Variants in TFDP2 observed in about 807,000 individuals in gnomAD.
TFDP2 encodes the protein transcription factor Dp-2 (E2F dimerization partner 2).
A neutral mutation model predicts 59.3 loss-of-function variants in TFDP2; 17 were observed. The observed-to-expected ratio is 0.29, with a 90% confidence interval of 0.20 to 0.43. TFDP2 has a LOEUF of 0.43. Ranked by LOEUF, TFDP2 falls within the 20% of genes least tolerant of loss-of-function variation. TFDP2 has a pLI of 1.00. For missense variants in TFDP2, 391 were observed against 528.8 expected (o/e 0.74, Z 2.56); for synonymous variants, 180 against 194.7 (o/e 0.92, Z 0.63).
rs533650867 is a variant in TFDP2 at position 142,036,097 on chromosome 3, C to T, written c.83-30553G>A. ...CATGTCATATACTAGTCCATTTGTG[C>T]CAAGTAAACTATTCTGGATGGGAAA... On this transcript the variant is annotated intron_variant, in intron 3 of 12. Coordinates refer to ENST00000489671, the MANE Select transcript of TFDP2 (RefSeq NM_001178139.2). 4.5e-4 allele frequency among the ~76,000 whole-genome samples: 68 copies of T among 152,154 alleles called. 1 individual carries two copies. In the South Asian group the frequency reaches 0.013, roughly 29 times the overall value.
intron 1 of TFDP2, among the ~76,000 whole-genome samples, chr3:142,120,277 G>A (rs1418329442): frequency 6.6e-6 from 1 of 151,852 alleles, no homozygotes; most frequent in African/African-American, 2.4e-5. Context: ...CAGAAGAATG[G>A]CGTGAACCCG....
chr3:142,122,956 A>C lies in TFDP2; in HGVS notation c.-92-21115T>G, dbSNP rs2062100334. Among the ~76,000 whole-genome samples, 3 of 151,720 alleles carry C rather than the reference A, an allele frequency of 2.0e-5. No individual in the cohort carries two copies. In the South Asian group the frequency reaches 6.2e-4, roughly 32 times the overall value. Reference sequence around the variant, plus strand: ...TAACACATTCAGTATGATTACGTTTATATAAAGTTTTTTTTTTTTTGGAGA... The same window carrying C: ...TAACACATTCAGTATGATTACGTTTCTATAAAGTTTTTTTTTTTTTGGAGA... On this transcript the variant is annotated intron_variant, in intron 1 of 12. Transcript: ENST00000489671.
chr3:142,051,329 A>G (rs2108488540), intron 3 of TFDP2, among the ~76,000 whole-genome samples: 1 of 152,296 alleles, frequency 6.6e-6, no homozygotes, highest in East Asian at 1.9e-4. Context: ...ACTTGAGATC[A>G]GGTGTTTGAG....
intron 3 of TFDP2, among the ~76,000 whole-genome samples, chr3:142,067,356 C>A (rs758926450): frequency 2.4e-4 from 37 of 151,896 alleles, no homozygotes; most frequent in Admixed American, 1.0e-3. Flanking sequence ...ATTAAAAACA[C>A]AAGACCATTT....
At chr3:142,110,187 T>G (rs1201160614) in intron 1 of TFDP2, among the ~76,000 whole-genome samples, 2 of 152,012 alleles carry the variant, frequency 1.3e-5, no homozygotes, top group Admixed American at 6.6e-5. Context: ...CCCAGTCCAT[T>G]GCTCACTTTT....
chr3:141,962,230 CA>C (rs1937455404), intron 10 of TFDP2, among the ~76,000 whole-genome samples: 1 of 152,026 alleles, frequency 6.6e-6, no homozygotes, highest in Non-Finnish European at 1.5e-5. Flanking sequence ...AGGCATGAGC[CA>C]ACACGCCCGG....
At chr3:142,030,683 T>C (rs912475228) in intron 3 of TFDP2, among the ~76,000 whole-genome samples, 7 of 151,748 alleles carry the variant, frequency 4.6e-5, no homozygotes, top group Non-Finnish European at 1.0e-4. Flanking sequence ...TACTCTGTTA[T>C]AGTCTTAAAA....
intron 1 of TFDP2, among the ~76,000 whole-genome samples, chr3:142,103,237 C>G (rs1192498966): frequency 1.3e-5 from 2 of 149,098 alleles, no homozygotes; most frequent in Non-Finnish European, 3.0e-5. Flanking sequence ...GACTCCTTCT[C>G]AAAAAAAATT....
At chr3:142,110,208 GA>G (rs549926637) in intron 1 of TFDP2, among the ~76,000 whole-genome samples, 19 of 148,344 alleles carry the variant, frequency 1.3e-4, no homozygotes, top group Admixed American at 8.1e-4. Context: ...AAAAATTGAA[GA>G]AAAAAAAAAT....
At chr3:142,133,195 A>G (rs1275097560) in intron 1 of TFDP2, among the ~76,000 whole-genome samples, 2 of 150,078 alleles carry the variant, frequency 1.3e-5, no homozygotes, top group Non-Finnish European at 2.9e-5. Flanking sequence ...AACTTTTTGA[A>G]TTATCAAATT....
intron 8 of TFDP2, among the ~76,000 whole-genome samples, chr3:141,971,317 CGAGACCAGCCTGGCCAA>C (rs377756389): frequency 0.028 from 3,987 of 142,706 alleles, 184 homozygotes; most frequent in African/African-American, 0.096. Flanking sequence ...GTCAGGAGTT[CGAGACCAGCCTGGCCAA>C]GAGACCAGCC....
At chr3:142,060,406 C>T (rs1047920029) in intron 3 of TFDP2, among the ~76,000 whole-genome samples, 5 of 152,102 alleles carry the variant, frequency 3.3e-5, no homozygotes, top group African/African-American at 1.2e-4. Flanking sequence ...CCCAACAAAA[C>T]CTAAAAAGAG....
rs946585848 is a variant in TFDP2 at position 142,060,782 on chromosome 3, T to C, written c.82+32279A>G. Among the ~76,000 whole-genome samples the C allele has an allele frequency of 2.0e-5, 3 of 152,114 alleles. 1 individual carries two copies. The highest frequency in any genetic ancestry group is 2.0e-4 in the Admixed American group (3 of 15,264). On this transcript the variant is annotated intron_variant, in intron 3 of 12. Coordinates refer to ENST00000489671, the MANE Select transcript of TFDP2 (RefSeq NM_001178139.2). ...AAGAAAACCAAGATGTTAAGAATAT[T>C]TCAAAGATTTTAAAGCTCTAAAAGT...
intron 3 of TFDP2, among the ~76,000 whole-genome samples, chr3:142,043,319 T>C (rs1311920832): frequency 1.3e-5 from 2 of 151,908 alleles, no homozygotes; most frequent in African/African-American, 4.8e-5. Context: ...AGTGCTGGGA[T>C]TACAGGCGTG....
At position 141,947,455 on chromosome 3, in the gene TFDP2, C is replaced by T. The variant is rs951711880; in HGVS notation, c.*5058G>A. On this transcript the variant is annotated 3_prime_UTR_variant, in exon 13 of 13. Transcript: ENST00000489671. ...TTTGAGACAGAGTCCTGCTCTGTCA[C>T]CTGGGCTGGAGTGCAGTGGCGGGAT... The T allele has an allele frequency of 1.3e-5, 2 of 152,090 alleles. No homozygotes were observed. The highest frequency in any genetic ancestry group is 1.3e-4 in the Admixed American group (2 of 15,250). The allele number at this position is 152,090 out of a possible 1,614,324, so 9.4% of individuals were successfully genotyped here. A position where few individuals can be genotyped will look rare whatever the true frequency, so the allele number is the denominator to read the frequency against.
intron 3 of TFDP2, among the ~76,000 whole-genome samples, chr3:142,026,050 G>C (rs1378033814): frequency 6.6e-6 from 1 of 152,158 alleles, no homozygotes; most frequent in Non-Finnish European, 1.5e-5. Flanking sequence ...AGTGGCTCAC[G>C]CCCATAATCC....
At chr3:142,062,285 C>T (rs347688) in intron 3 of TFDP2, among the ~76,000 whole-genome samples, 134,477 of 151,636 alleles carry the variant, frequency 0.89, 59,844 homozygotes, top group African/African-American at 0.96. Context: ...AGTGAGCTAT[C>T]AGTAGTTAAA....
At chr3:141,996,595 G>A (rs577567141) in intron 4 of TFDP2, among the ~76,000 whole-genome samples, 5 of 152,286 alleles carry the variant, frequency 3.3e-5, no homozygotes, top group African/African-American at 1.2e-4. Flanking sequence ...TAAGTTCATT[G>A]CTAACTTGCT....
chr3:142,051,818 A>T (rs1320665112), intron 3 of TFDP2, among the ~76,000 whole-genome samples: 1 of 152,128 alleles, frequency 6.6e-6, no homozygotes, highest in Non-Finnish European at 1.5e-5. Flanking sequence ...TTCCATATAT[A>T]AAAATTAACT....
Sources: allele counts gnomAD v4.1 joint callset (sites outside exome capture counted in the v4.1 genomes callset), GRCh38; gene constraint gnomAD v4.1.1; transcripts MANE v1.5; gene names NCBI Gene and HGNC (gene_info 2026-07-23, HGNC 2026-07-21).